Variants in CCDC50 observed in about 807,000 individuals in gnomAD.
The protein encoded by CCDC50 is coiled-coil domain containing 50.
A neutral mutation model predicts 70.2 loss-of-function variants in CCDC50; 54 were observed. That is an observed-to-expected ratio of 0.77 (90% CI 0.62 to 0.96). The LOEUF (loss-of-function observed/expected upper bound fraction) is 0.96, where lower values mean the gene tolerates loss of function less well. Ranked by LOEUF, CCDC50 falls within the 50% of genes least tolerant of loss-of-function variation. CCDC50 has a pLI of 0.00. For missense variants in CCDC50, 558 were observed against 578.7 expected, an observed-to-expected ratio of 0.96 and a Z score of 0.37; for synonymous variants, 216 against 198.8, an observed-to-expected ratio of 1.09 and a Z score of -0.73.
chr3:191,339,284 A>G (rs186768522), intron 1 of CCDC50, among the ~76,000 whole-genome samples: 1 of 152,344 alleles, frequency 6.6e-6, no homozygotes, highest in East Asian at 1.9e-4. Context: ...CATATGGTGT[A>G]TTAGAAGTTA....
At chr3:191,385,633 A>G (rs1303623515) in intron 10 of CCDC50, among the ~76,000 whole-genome samples, 1 of 152,024 alleles carries the variant, frequency 6.6e-6, no homozygotes, top group East Asian at 1.9e-4. Flanking sequence ...TTTGCTTTGC[A>G]GAAATCTTTA....
At chr3:191,358,336 A>T (rs1004245694) in intron 3 of CCDC50, among the ~76,000 whole-genome samples, 1 of 152,184 alleles carries the variant, frequency 6.6e-6, no homozygotes, top group African/African-American at 2.4e-5. Flanking sequence ...CATGTTGATG[A>T]TGGTGTGAAT....
chr3:191,390,892 A>G (rs1440335872), intron 11 of CCDC50, among the ~76,000 whole-genome samples: 1 of 152,186 alleles, frequency 6.6e-6, no homozygotes, highest in South Asian at 2.1e-4. Flanking sequence ...CTCTGGTTCA[A>G]ACGCCTCTGA....
Position 191,382,611 on chromosome 3 carries a change from ATAAT to A in CCDC50, c.1243-130_1243-127del, listed in dbSNP as rs1430038780. On this transcript the variant is annotated intron_variant, in intron 9 of 11. Coordinates refer to ENST00000392455, the MANE Select transcript of CCDC50 (RefSeq NM_178335.3). The stretch of plus-strand genomic sequence containing the variant: ...AATATTTTATGTTCCTCAATTAAAT[ATAAT>A]TAATCTGAAATTACTAAGGAAGAGC... The A allele has an allele frequency of 1.1e-4, 72 of 639,236 alleles. No individual in the cohort carries two copies. The African/African-American group carries it at 1.3e-3, about 12-fold the overall frequency. The allele number at this position is 639,236 out of a possible 1,614,324, so 39.6% of individuals were successfully genotyped here. A position where few individuals can be genotyped will look rare whatever the true frequency, so the allele number is the denominator to read the frequency against.
rs367840692 is a variant in CCDC50 at position 191,364,369 on chromosome 3, C to CT, written c.330+3223dup. Among the ~76,000 whole-genome samples, 105 of 145,728 alleles carry CT rather than the reference C, an allele frequency of 7.2e-4. 3 individuals are homozygous for CT. Among genetic ancestry groups the CT allele is most frequent in the East Asian group, 2.8e-3 (14 of 5,018 alleles). ...GGTACGAGCCACCGCGCCCGGCCTCCTTTTTTTTTTTTTCCCCTTCCCTCT... is the reference window on the plus strand; with the variant it reads ...GGTACGAGCCACCGCGCCCGGCCTCCTTTTTTTTTTTTTTCCCCTTCCCTCT... On this transcript the variant is annotated intron_variant, in intron 4 of 11. Coordinates refer to ENST00000392455, the MANE Select transcript of CCDC50 (RefSeq NM_178335.3).
In CCDC50 at chr3:191,394,456, A is replaced by G. The variant is rs1283853005; in HGVS notation, c.*2696A>G. The G allele has an allele frequency of 2.6e-5, 4 of 152,152 alleles. 1 individual carries two copies. The highest frequency in any genetic ancestry group is 9.7e-5 in the African/African-American group (4 of 41,436). The allele number at this position is 152,152 out of a possible 1,614,324, so 9.4% of individuals were successfully genotyped here. A position where few individuals can be genotyped will look rare whatever the true frequency, so the allele number is the denominator to read the frequency against. ...CTGCTTTTTACTTTGTCATTTTTAT[A>G]TAAATGTGAAAGCATTTTGTTGTTG... On this transcript the variant is annotated 3_prime_UTR_variant, in exon 12 of 12. Transcript: ENST00000392455.
At chr3:191,370,486 G>GTTTTT (rs11328862) in intron 5 of CCDC50, among the ~76,000 whole-genome samples, 1 of 140,024 alleles carries the variant, frequency 7.1e-6, no homozygotes. Flanking sequence ...TTGTTTTTTT[G>GTTTTT]TTTTTTTTTT....
At position 191,345,704 on chromosome 3, in the gene CCDC50, C is replaced by T. The variant is rs568815173; in HGVS notation, c.50-11384C>T. ...TTGCCAAACAAGTGGTTTAGGTTAC[C>T]GGGGTTTTCATTTAACTTTGAATTT... On this transcript the variant is annotated intron_variant, in intron 1 of 11. Coordinates refer to ENST00000392455, the MANE Select transcript of CCDC50 (RefSeq NM_178335.3). Among the ~76,000 whole-genome samples, 36 of 151,980 alleles carry T rather than the reference C, an allele frequency of 2.4e-4. No individual in the cohort carries two copies. In the South Asian group the frequency reaches 4.8e-3, roughly 20 times the overall value.
intron 2 of CCDC50, 118 bp downstream of exon 2, chr3:191,357,268 C>T: frequency 1.3e-6 from 1 of 795,838 alleles, no homozygotes; most frequent in Non-Finnish European, 2.2e-6. Context: ...ACCATCCATA[C>T]ATCCTGAAGG....
Position 191,329,582 on chromosome 3 carries a change from C to G in CCDC50, c.-93C>G. ...GCCCTGCCGGCCGGACTTTGCGCCG[C>G]GTCCGGCGCTGCTGCTGCGCTCGGG... is the stretch of plus-strand genomic sequence containing the variant. On this transcript the variant is annotated 5_prime_UTR_variant, in exon 1 of 12. Coordinates refer to ENST00000392455, the MANE Select transcript of CCDC50 (RefSeq NM_178335.3). The G allele has an allele frequency of 8.2e-6, 11 of 1,341,604 alleles. No individual in the cohort carries two copies. The highest frequency in any genetic ancestry group is 9.2e-6 in the Non-Finnish European group (9 of 981,126). The allele number at this position is 1,341,604 out of a possible 1,614,324, so 83.1% of individuals were successfully genotyped here. A position where few individuals can be genotyped will look rare whatever the true frequency, so the allele number is the denominator to read the frequency against.
At chr3:191,360,638 C>T (rs1712453894) in intron 3 of CCDC50, among the ~76,000 whole-genome samples, 1 of 152,128 alleles carries the variant, frequency 6.6e-6, no homozygotes, top group Non-Finnish European at 1.5e-5. Flanking sequence ...GATAAGAATA[C>T]TATGATATTA....
chr3:191,343,777 G>T (rs1361282099), intron 1 of CCDC50, among the ~76,000 whole-genome samples: 1 of 152,186 alleles, frequency 6.6e-6, no homozygotes, highest in Non-Finnish European at 1.5e-5. Flanking sequence ...GGGTACTTCA[G>T]TAAGTGCTTG....
At chr3:191,385,378 C>T (rs976674031) in intron 10 of CCDC50, among the ~76,000 whole-genome samples, 5 of 152,152 alleles carry the variant, frequency 3.3e-5, no homozygotes, top group Admixed American at 3.3e-4. Context: ...GATAGTATCT[C>T]ATTGTGGTTT....
chr3:191,333,979 G>C (rs971347577), intron 1 of CCDC50, among the ~76,000 whole-genome samples: 1 of 152,042 alleles, frequency 6.6e-6, no homozygotes, highest in Non-Finnish European at 1.5e-5. Context: ...TCTGACTTTG[G>C]AGATAATCAT....
At chr3:191,386,381 C>T (rs1056429803) in intron 10 of CCDC50, among the ~76,000 whole-genome samples, 2 of 152,020 alleles carry the variant, frequency 1.3e-5, no homozygotes, top group African/African-American at 4.8e-5. Flanking sequence ...CCCACCACCA[C>T]GCCCAGCTAA....
At chr3:191,354,678 T>C (rs1475045050) in intron 1 of CCDC50, among the ~76,000 whole-genome samples, 1 of 152,116 alleles carries the variant, frequency 6.6e-6, no homozygotes, top group Non-Finnish European at 1.5e-5. Flanking sequence ...CTGTGATGTT[T>C]ATATATAATA....
At chr3:191,385,668 T>C (rs1017586933) in intron 10 of CCDC50, among the ~76,000 whole-genome samples, 1 of 132,702 alleles carries the variant, frequency 7.5e-6, no homozygotes, top group East Asian at 2.1e-4. Context: ...TATTTGTCTG[T>C]TTTTGATTTT....
At chr3:191,330,532 G>A (rs1717945253) in intron 1 of CCDC50, 1 of 152,088 alleles carries the variant, frequency 6.6e-6, no homozygotes, top group African/African-American at 2.4e-5. Context: ...CTTATGCCTT[G>A]AGTTATCTTT....
chr3:191,392,131 G>T lies in CCDC50; in HGVS notation c.*371G>T. 5.0e-6 allele frequency: 1 copy of T among 199,920 alleles called. No individual in the cohort carries two copies. The highest frequency in any genetic ancestry group is 2.3e-5 in the African/African-American group (1 of 43,032). The allele number at this position is 199,920 out of a possible 1,614,324, so 12.4% of individuals were successfully genotyped here. ...GAATGATCAAAGTGAAACAATGTTT[G>T]GATGCAACGCAGAATAAAAGAATAT... On this transcript the variant is annotated 3_prime_UTR_variant, in exon 12 of 12. Transcript: ENST00000392455.
Sources: gnomAD v4.1 joint callset for allele counts (sites outside exome capture counted in the v4.1 genomes callset) on GRCh38, gnomAD v4.1.1 for gene constraint, MANE v1.5 for transcripts, NCBI Gene and HGNC (gene_info 2026-07-23, HGNC 2026-07-21) for gene names.